MAST4: variants seen among roughly 807,000 people sequenced by gnomAD.
MAST4 encodes microtubule associated serine/threonine kinase family member 4, also known as microtubule-associated serine/threonine-protein kinase 4.
Under a neutral mutation model 162.7 loss-of-function variants are expected in MAST4, and 89 were observed. That is an observed-to-expected ratio of 0.55 (90% CI 0.46 to 0.65). MAST4 has a LOEUF of 0.65. Ranked by LOEUF, MAST4 falls within the 30% of genes least tolerant of loss-of-function variation. MAST4 has a pLI of 0.00. For synonymous variants in MAST4, 1,479 were observed against 1,361.1 expected, an observed-to-expected ratio of 1.09 and a Z score of -1.91; for missense variants, 3,153 against 3,374.0, an observed-to-expected ratio of 0.93 and a Z score of 1.62.
At position 66,784,516 on chromosome 5, in the gene MAST4, T is replaced by G. The variant is rs925772798; in HGVS notation, c.518-4154T>G. Among the ~76,000 whole-genome samples the G allele has an allele frequency of 4.6e-5, 7 of 152,206 alleles. No individual in the cohort carries two copies. The South Asian group carries it at 1.4e-3, about 31-fold the overall frequency. The stretch of plus-strand genomic sequence containing the variant: ...TATTCCCTGCTGGTAATTTTTAAAA[T>G]AATAAAATATGACAGATCTACCATA... On this transcript the variant is annotated intron_variant, in intron 2 of 28. Transcript: ENST00000403625.
intron 2 of MAST4, among the ~76,000 whole-genome samples, chr5:66,772,563 A>G (rs931066616): frequency 1.3e-5 from 2 of 152,216 alleles, no homozygotes; most frequent in Admixed American, 6.5e-5. Flanking sequence ...ACAGGGTACA[A>G]TACAGTAGGG....
intron 4 of MAST4, among the ~76,000 whole-genome samples, chr5:66,975,477 C>T (rs1274352726): frequency 6.6e-6 from 1 of 152,164 alleles, no homozygotes; most frequent in Non-Finnish European, 1.5e-5. Context: ...GAGCCCAGTG[C>T]GCCTTTCACT....
intron 4 of MAST4, among the ~76,000 whole-genome samples, chr5:66,992,221 A>G (rs990770120): frequency 6.6e-6 from 1 of 152,182 alleles, no homozygotes; most frequent in Admixed American, 6.5e-5. Context: ...CTGCTATATA[A>G]TCTTCATAAT....
chr5:67,149,024 C>T (rs775028778), intron 23 of MAST4, among the ~76,000 whole-genome samples: 1 of 152,118 alleles, frequency 6.6e-6, no homozygotes, highest in Non-Finnish European at 1.5e-5. Flanking sequence ...TGATTCATGG[C>T]ACAGCCTTTC....
intron 1 of MAST4, among the ~76,000 whole-genome samples, chr5:66,748,436 C>CCTCT (rs1752912023): frequency 1.9e-4 from 1 of 5,404 alleles, no homozygotes; most frequent in African/African-American, 8.7e-4. Context: ...TCCCTCCCTC[C>CCTCT]CTCCCTCTCT....
At chr5:67,080,700 G>T (rs1762496612) in intron 5 of MAST4, among the ~76,000 whole-genome samples, 1 of 151,710 alleles carries the variant, frequency 6.6e-6, no homozygotes, top group Non-Finnish European at 1.5e-5. Context: ...GTTGAATCTA[G>T]ATCCCGTGCC....
chr5:67,132,050 T>A, intron 16 of MAST4, 99 bp downstream of exon 16: 1 of 1,314,232 alleles, frequency 7.6e-7, no homozygotes, highest in Non-Finnish European at 1.0e-6. Flanking sequence ...ATTTTTAAAT[T>A]ATTCCATAAT....
chr5:67,143,177 T>C (rs1770625008), intron 21 of MAST4, among the ~76,000 whole-genome samples: 1 of 150,476 alleles, frequency 6.6e-6, no homozygotes, highest in African/African-American at 2.5e-5. Flanking sequence ...TCTCAGCACT[T>C]AGAGAGGCAG....
intron 1 of MAST4, among the ~76,000 whole-genome samples, chr5:66,671,116 GCA>G (rs1179367902): frequency 6.6e-6 from 1 of 152,082 alleles, no homozygotes; most frequent in African/African-American, 2.4e-5. Flanking sequence ...TTTCTACTTT[GCA>G]CAGTTTTTGT....
intron 4 of MAST4, among the ~76,000 whole-genome samples, chr5:67,050,037 G>C (rs1757976727): frequency 6.6e-6 from 1 of 152,070 alleles, no homozygotes; most frequent in Admixed American, 6.6e-5. Flanking sequence ...GAAATGGAAT[G>C]GGGTACTTGG....
At chr5:66,911,474 G>C (rs912754839) in intron 4 of MAST4, among the ~76,000 whole-genome samples, 1 of 151,044 alleles carries the variant, frequency 6.6e-6, no homozygotes, top group Non-Finnish European at 1.5e-5. Flanking sequence ...GGCCAAGACA[G>C]GGGGATTGCT....
intron 4 of MAST4, among the ~76,000 whole-genome samples, chr5:66,991,694 T>C (rs1750080531): frequency 6.6e-6 from 1 of 152,188 alleles, no homozygotes; most frequent in Non-Finnish European, 1.5e-5. Flanking sequence ...TAGCACTAGA[T>C]ACAAAGGATA....
chr5:66,931,765 T>TA (rs140448523), intron 4 of MAST4, among the ~76,000 whole-genome samples: 14,289 of 151,336 alleles, frequency 0.094, 727 homozygotes, highest in Non-Finnish European at 0.12. Flanking sequence ...TACACTGTAT[T>TA]AAAAAAAAAG....
intron 2 of MAST4, among the ~76,000 whole-genome samples, chr5:66,764,303 T>G (rs1406217394): frequency 6.6e-6 from 1 of 152,166 alleles, no homozygotes; most frequent in Non-Finnish European, 1.5e-5. Context: ...GACAGGAGCA[T>G]GAGAGGGCAA....
chr5:66,694,642 A>G (rs1749277919), intron 1 of MAST4, among the ~76,000 whole-genome samples: 1 of 152,034 alleles, frequency 6.6e-6, no homozygotes, highest in East Asian at 1.9e-4. Flanking sequence ...GTGTGCCACC[A>G]TGCCCTGCTA....
Position 66,650,990 on chromosome 5 carries a change from C to G in MAST4, c.363+53972C>G, listed in dbSNP as rs149859377. 9.9e-3 allele frequency among the ~76,000 whole-genome samples: 1,503 copies of G among 152,260 alleles called. 15 individuals are homozygous for G. Among genetic ancestry groups the G allele is most frequent in the Non-Finnish European group, 0.014 (979 of 68,002 alleles). On this transcript the variant is annotated intron_variant, in intron 1 of 28. Coordinates refer to ENST00000403625, the MANE Select transcript of MAST4 (RefSeq NM_001164664.2). ...TGCAGTCACATGGCAAAGGGTGTGG[C>G]TACATGGAGGGTGAAGAATTGGGGC...
At chr5:66,700,948 G>T (rs1749736735) in intron 1 of MAST4, among the ~76,000 whole-genome samples, 3 of 97,418 alleles carry the variant, frequency 3.1e-5, no homozygotes, top group Non-Finnish European at 5.8e-5. Context: ...AGATCATCTT[G>T]GGAATTATTT....
Position 66,748,586 on chromosome 5 carries a change from T to A in MAST4, c.364-11123T>A, listed in dbSNP as rs570593476. 2.2e-4 allele frequency among the ~76,000 whole-genome samples: 34 copies of A among 151,358 alleles called. No homozygotes were observed. The South Asian group carries it at 7.0e-3, about 31-fold the overall frequency. On this transcript the variant is annotated intron_variant, in intron 1 of 28. Coordinates refer to ENST00000403625, the MANE Select transcript of MAST4 (RefSeq NM_001164664.2). ...TCACTGCAACCACTGCCTCTCGGGT[T>A]CAAGCAGTTCTCCTGCCTCAGCCTC...
intron 4 of MAST4, among the ~76,000 whole-genome samples, chr5:67,029,368 A>C (rs1183944677): frequency 6.6e-6 from 1 of 152,138 alleles, no homozygotes; most frequent in Non-Finnish European, 1.5e-5. Context: ...CCATCCTTAT[A>C]CTTATGTTTC....
Sources: allele counts gnomAD v4.1 joint callset (sites outside exome capture counted in the v4.1 genomes callset), GRCh38; gene constraint gnomAD v4.1.1; transcripts MANE v1.5; gene names NCBI Gene and HGNC (gene_info 2026-07-23, HGNC 2026-07-21).